Variants in ZNF385D observed in about 807,000 individuals in gnomAD.
ZNF385D encodes the protein zinc finger protein 385D.
Under a neutral mutation model 35.8 loss-of-function variants are expected in ZNF385D, and 15 were observed. The observed-to-expected ratio is 0.42, with a 90% CI of 0.28 to 0.64. The LOEUF (loss-of-function observed/expected upper bound fraction) is 0.64. Ranked by LOEUF, ZNF385D falls within the 30% of genes least tolerant of loss-of-function variation. ZNF385D has a pLI of 0.23. For synonymous variants in ZNF385D, 212 were observed against 186.8 expected (o/e 1.13, Z -1.10); for missense variants, 474 against 494.6 (o/e 0.96, Z 0.39).
intron 4 of ZNF385D, among the ~76,000 whole-genome samples, chr3:21,452,153 G>A (rs538298668): frequency 1.8e-4 from 28 of 152,094 alleles, no homozygotes; most frequent in Non-Finnish European, 4.0e-4. Flanking sequence ...TACCATGTCA[G>A]ATTTCTAATA....
In ZNF385D at chr3:21,420,349, C is replaced by T. The variant is rs1700682556; in HGVS notation, c.*865G>A. 1.3e-5 allele frequency: 2 copies of T among 152,310 alleles called. No individual in the cohort carries two copies. The highest frequency in any genetic ancestry group is 3.9e-4 in the East Asian group (2 of 5,182). 9.4% of individuals were successfully genotyped at this position (152,310 alleles called of 1,614,324 possible). On this transcript the variant is annotated 3_prime_UTR_variant, in exon 8 of 8. Coordinates refer to ENST00000281523, the MANE Select transcript of ZNF385D (RefSeq NM_024697.3). ...AGAGTTGTATTGATTTCTTTCTTAA[C>T]ACTCATGATGCATGGGTTTCTCTGC...
At chr3:21,663,915 A>ATATATATATATATATATATATATATATT (rs1159950305) in intron 2 of ZNF385D, among the ~76,000 whole-genome samples, 72 of 105,780 alleles carry the variant, frequency 6.8e-4, no homozygotes, top group African/African-American at 9.4e-4. Flanking sequence ...ATATATATAT[A>ATATATATATATATATATATATATATATT]TATTTATTTA....
intron 3 of ZNF385D, among the ~76,000 whole-genome samples, chr3:21,973,137 C>G (rs1199767306): frequency 6.6e-6 from 1 of 151,812 alleles, no homozygotes; most frequent in African/African-American, 2.4e-5. Context: ...AGGTCAATAT[C>G]CCCGATGAAC....
Position 21,759,151 on chromosome 3 carries a change from C to CAAATG in ZNF385D, c.326-94128_326-94124dup, listed in dbSNP as rs1261217009. On this transcript the variant is annotated intron_variant, in intron 3 of 5. Coordinates refer to the ZNF385D transcript ENST00000494108. The stretch of plus-strand genomic sequence containing the variant: ...TAAAAACAAAGGTAACATAAATTAA[C>CAAATG]AAATGAATACTCTAGGACATGTGTA... Among the ~76,000 whole-genome samples the CAAATG allele has an allele frequency of 2.6e-5, 4 of 151,986 alleles. No homozygotes were observed. The East Asian group carries it at 7.7e-4, about 29-fold the overall frequency.
At position 21,421,381 on chromosome 3, in the gene ZNF385D, C is replaced by T. The variant is rs1459232405; in HGVS notation, c.1021G>A (p.Ala341Thr). ...LAPRILPNPL[A>T]AAAAAAAVAV... The stretch of plus-strand genomic sequence containing the variant: ...ACTGCTGCTGCGGCTGCTGCAGCTG[C>T]TAGAGGATTTGGTAGAATTCGTGGA... Residue 341 changes from alanine (A) to threonine (T), a missense_variant, in exon 8 of 8, where the codon GCA (alanine) becomes ACA (threonine). By Grantham distance (58) the Ala-to-Thr change is moderately conservative (BLOSUM62 0). Coordinates refer to ENST00000281523, the MANE Select transcript of ZNF385D (RefSeq NM_024697.3). 13 of 1,613,442 alleles carry T rather than the reference C, an allele frequency of 8.1e-6. No individual in the cohort carries two copies. Among genetic ancestry groups the T allele is most frequent in the Non-Finnish European group, 1.1e-5 (13 of 1,179,814 alleles).
intron 3 of ZNF385D, among the ~76,000 whole-genome samples, chr3:21,982,841 T>C (rs1297813894): frequency 1.3e-5 from 2 of 149,610 alleles, no homozygotes; most frequent in African/African-American, 2.4e-5. Flanking sequence ...TCTATTGAGA[T>C]AATCATGTGG....
At chr3:21,522,295 C>T (rs906206279) in intron 3 of ZNF385D, among the ~76,000 whole-genome samples, 1 of 152,048 alleles carries the variant, frequency 6.6e-6, no homozygotes, top group Non-Finnish European at 1.5e-5. Flanking sequence ...TCCTCCCAGA[C>T]TTAGAAAAAT....
chr3:21,623,181 G>T (rs1394448430), intron 2 of ZNF385D, among the ~76,000 whole-genome samples: 1 of 152,068 alleles, frequency 6.6e-6, no homozygotes, highest in Non-Finnish European at 1.5e-5. Context: ...CTGGGTTGTT[G>T]TACAAATCCA....
chr3:21,454,847 C>T (rs776228870), intron 4 of ZNF385D, among the ~76,000 whole-genome samples: 2 of 152,176 alleles, frequency 1.3e-5, no homozygotes, highest in Non-Finnish European at 2.9e-5. Context: ...ACCCCATTGT[C>T]TAAGCCCAAA....
rs1702809595 is a variant in ZNF385D, at chr3:22,299,996, C to CCA, written c.106+72452_106+72453dup. 2.0e-5 allele frequency among the ~76,000 whole-genome samples: 3 copies of CCA among 151,832 alleles called. No homozygotes were observed. In the South Asian group the frequency reaches 6.2e-4, roughly 31 times the overall value. On this transcript the variant is annotated intron_variant, in intron 2 of 5. Transcript: ENST00000494108. Reference sequence around the variant, plus strand: ...TGGAACCACAAAAGACCCCAAAGAGCCAAAGCAATCTTGAGCACAAAGAAC... The same window carrying CCA: ...TGGAACCACAAAAGACCCCAAAGAGCCACAAAGCAATCTTGAGCACAAAGAAC...
intron 2 of ZNF385D, among the ~76,000 whole-genome samples, chr3:22,279,153 G>T (rs987623749): frequency 6.6e-6 from 1 of 151,902 alleles, no homozygotes; most frequent in Admixed American, 6.6e-5. Context: ...GGTGATGTTT[G>T]GTTACATGAA....
At chr3:21,816,302 G>T (rs147989141) in intron 3 of ZNF385D, among the ~76,000 whole-genome samples, 15,221 of 152,050 alleles carry the variant, frequency 0.1, 847 homozygotes, top group South Asian at 0.12. Context: ...CCACTCCTAT[G>T]CAAAATAGTG....
chr3:21,421,652 C>T (rs538527857), intron 7 of ZNF385D, among the ~76,000 whole-genome samples: 2 of 152,028 alleles, frequency 1.3e-5, no homozygotes, highest in South Asian at 2.1e-4. Context: ...AATGGCCAAC[C>T]GGGAATGCTT....
intron 1 of ZNF385D, among the ~76,000 whole-genome samples, chr3:21,729,789 C>T (rs1364976463): frequency 2.0e-5 from 3 of 152,210 alleles, no homozygotes; most frequent in East Asian, 3.8e-4. Flanking sequence ...ACTAGGCCTA[C>T]AGTTCTAACT....
chr3:21,600,729 AC>A, intron 2 of ZNF385D, among the ~76,000 whole-genome samples: 1 of 152,294 alleles, frequency 6.6e-6, no homozygotes, highest in East Asian at 1.9e-4. Context: ...AGTGCAGGTA[AC>A]AAAAAAATAA....
intron 3 of ZNF385D, among the ~76,000 whole-genome samples, chr3:21,799,869 A>G (rs2072318916): frequency 6.6e-6 from 1 of 152,156 alleles, no homozygotes; most frequent in African/African-American, 2.4e-5. Flanking sequence ...TTCTTCTAAG[A>G]GTTTTATAAC....
chr3:21,918,809 A>C (rs374474220), intron 3 of ZNF385D, among the ~76,000 whole-genome samples: 1 of 152,108 alleles, frequency 6.6e-6, no homozygotes, highest in South Asian at 2.1e-4. Flanking sequence ...ATTTTAGTTA[A>C]ATTTTCAGAA....
At chr3:21,656,002 T>C (rs931917262) in intron 2 of ZNF385D, among the ~76,000 whole-genome samples, 2 of 151,972 alleles carry the variant, frequency 1.3e-5, no homozygotes, top group African/African-American at 4.8e-5. Flanking sequence ...AAAGGCAATA[T>C]ATCGTGTATT....
intron 3 of ZNF385D, among the ~76,000 whole-genome samples, chr3:21,521,671 T>C (rs1441039926): frequency 6.6e-6 from 1 of 152,104 alleles, no homozygotes; most frequent in African/African-American, 2.4e-5. Context: ...GGAAGATCAC[T>C]TAGGTCCAGG....
Sources: allele counts gnomAD v4.1 joint callset (sites outside exome capture counted in the v4.1 genomes callset), GRCh38; gene constraint gnomAD v4.1.1; transcripts MANE v1.5; gene names NCBI Gene and HGNC (gene_info 2026-07-23, HGNC 2026-07-21).